The following GALNT1 variants were observed in gnomAD, a reference collection of about 807,000 sequenced individuals.
GALNT1 encodes GalNAc transferase 1.
Under a neutral mutation model 65.7 loss-of-function variants are expected in GALNT1, and 17 were observed. The ratio of observed to expected loss-of-function variants is 0.26; its 90% CI spans 0.18 to 0.39. The LOEUF is 0.39. Ranked by LOEUF, GALNT1 falls within the 10% of genes least tolerant of loss-of-function variation. GALNT1 has a pLI of 1.00. For synonymous variants in GALNT1, 210 were observed against 219.7 expected, an observed-to-expected ratio of 0.96 and a Z score of 0.39; for missense variants, 460 against 672.8, an observed-to-expected ratio of 0.68 and a Z score of 3.50.
At chr18:35,639,128 C>T (rs1449347523) in intron 1 of GALNT1, among the ~76,000 whole-genome samples, 5 of 152,100 alleles carry the variant, frequency 3.3e-5, no homozygotes, top group African/African-American at 7.2e-5. Flanking sequence ...GCTTCAATTT[C>T]GAAAAAAGTT....
chr18:35,659,172 T>G (rs966750743), intron 2 of GALNT1, among the ~76,000 whole-genome samples: 1 of 152,244 alleles, frequency 6.6e-6, no homozygotes, highest in African/African-American at 2.4e-5. Context: ...ACAGCTCTGA[T>G]TTCGGTGAAA....
intron 1 of GALNT1, among the ~76,000 whole-genome samples, chr18:35,647,958 G>A (rs2047252956): frequency 6.6e-6 from 1 of 151,902 alleles, no homozygotes; most frequent in Admixed American, 6.6e-5. Context: ...GTGGTGGGTG[G>A]ATCACTTGAG....
intron 5 of GALNT1, among the ~76,000 whole-genome samples, chr18:35,686,493 T>G (rs925999152): frequency 6.6e-6 from 1 of 152,222 alleles, no homozygotes; most frequent in African/African-American, 2.4e-5. Flanking sequence ...GGTATATTGA[T>G]GCAGGAATTC....
intron 9 of GALNT1, among the ~76,000 whole-genome samples, chr18:35,696,442 G>A (rs766409041): frequency 6.6e-6 from 1 of 152,226 alleles, no homozygotes; most frequent in Non-Finnish European, 1.5e-5. Flanking sequence ...TAACGCTGAC[G>A]TTCGTAGTTC....
intron 2 of GALNT1, among the ~76,000 whole-genome samples, chr18:35,656,879 A>T (rs1001482468): frequency 2.0e-5 from 3 of 152,158 alleles, no homozygotes; most frequent in Non-Finnish European, 4.4e-5. Flanking sequence ...GACACTGGAG[A>T]TGGAGAGGAA....
At chr18:35,651,650 G>A (rs960596485) in intron 1 of GALNT1, among the ~76,000 whole-genome samples, 2 of 152,158 alleles carry the variant, frequency 1.3e-5, no homozygotes, top group African/African-American at 4.8e-5. Context: ...CAAGGACTTG[G>A]TTTTCTTTCT....
At chr18:35,596,949 ATCC>A (rs1445798176) in intron 1 of GALNT1, 1 of 152,230 alleles carries the variant, frequency 6.6e-6, no homozygotes, top group Admixed American at 6.5e-5. Flanking sequence ...AGGCAGTAGA[ATCC>A]ACCTCCGCCT....
At chr18:35,610,380 T>A (rs1050573204) in intron 1 of GALNT1, among the ~76,000 whole-genome samples, 1 of 152,196 alleles carries the variant, frequency 6.6e-6, no homozygotes, top group East Asian at 1.9e-4. Flanking sequence ...CTCCTCTTTT[T>A]GTTTGTTTAT....
intron 2 of GALNT1, among the ~76,000 whole-genome samples, chr18:35,655,332 G>A (rs973578964): frequency 6.7e-6 from 1 of 149,054 alleles, no homozygotes; most frequent in African/African-American, 2.5e-5. Context: ...ATAGAATAGA[G>A]GCTGCAGTGA....
chr18:35,643,543 C>G (rs2047192292), intron 1 of GALNT1, among the ~76,000 whole-genome samples: 1 of 152,168 alleles, frequency 6.6e-6, no homozygotes, highest in South Asian at 2.1e-4. Context: ...GCAGGCAGAT[C>G]ACGAGGTCAG....
chr18:35,694,834 T>C lies in GALNT1; in HGVS notation c.1299+2514T>C, dbSNP rs549918068. Among the ~76,000 whole-genome samples, 16 of 152,314 alleles carry C rather than the reference T, an allele frequency of 1.1e-4. No homozygotes were observed. In the East Asian group the frequency reaches 2.9e-3, roughly 28 times the overall value. ...CAACGTACAATGGAATATTTTTCAG[T>C]CTTAAAAAGGAAGGAAATTCTGATA... On this transcript the variant is annotated intron_variant, in intron 9 of 11. Transcript: ENST00000269195.
intron 4 of GALNT1, among the ~76,000 whole-genome samples, chr18:35,681,855 A>C (rs1226007871): frequency 6.6e-6 from 1 of 152,168 alleles, no homozygotes; most frequent in East Asian, 1.9e-4. Context: ...TCTTGGATCC[A>C]TCCCTTAAGC....
At chr18:35,581,606 C>G (rs1338247454), upstream of GALNT1, 1 of 1,062 alleles carries the variant, frequency 9.4e-4, no homozygotes, top group Non-Finnish European at 1.8e-3. Flanking sequence ...CGGGGCGGCC[C>G]GGAGTAGCGC....
chr18:35,586,556 T>C (rs2046380250), intron 1 of GALNT1, among the ~76,000 whole-genome samples: 2 of 142,040 alleles, frequency 1.4e-5, no homozygotes, highest in African/African-American at 2.8e-5. Flanking sequence ...CCTAATAGTT[T>C]TGTGGTTTTT....
At chr18:35,627,766 G>A (rs1598787788) in intron 1 of GALNT1, among the ~76,000 whole-genome samples, 1 of 151,686 alleles carries the variant, frequency 6.6e-6, no homozygotes, top group African/African-American at 2.4e-5. Flanking sequence ...GAAGCAGGGC[G>A]AGGCATCACC....
At chr18:35,685,941 G>C (rs2047861173) in intron 5 of GALNT1, among the ~76,000 whole-genome samples, 1 of 152,072 alleles carries the variant, frequency 6.6e-6, no homozygotes, top group South Asian at 2.1e-4. Context: ...GGTGGTGCAT[G>C]CCTATAGTCC....
rs1171608587 is a variant in GALNT1, at chr18:35,639,227, T to C, written c.-103-15333T>C. ...AGAGTTGATGTGGCAAACTTCATTTTTGTCTTATTTTAAGAAATTGCGACA... is the reference window on the plus strand; with the variant it reads ...AGAGTTGATGTGGCAAACTTCATTTCTGTCTTATTTTAAGAAATTGCGACA... On this transcript the variant is annotated intron_variant, in intron 1 of 11. Coordinates refer to ENST00000269195, the MANE Select transcript of GALNT1 (RefSeq NM_020474.4). Among the ~76,000 whole-genome samples the C allele has an allele frequency of 2.0e-5, 3 of 152,196 alleles. No individual in the cohort carries two copies. In the East Asian group the frequency reaches 5.8e-4, roughly 29 times the overall value.
chr18:35,648,045 AAGAAGGAAGGGAGGAAGTG>A (rs1378169708), intron 1 of GALNT1, among the ~76,000 whole-genome samples: 35 of 149,020 alleles, frequency 2.3e-4, no homozygotes, highest in Admixed American at 1.2e-3. Context: ...GAAGAAGAAG[AAGAAGGAAGGGAGGAAGTG>A]AGGAAGGGAG....
intron 1 of GALNT1, among the ~76,000 whole-genome samples, chr18:35,646,600 A>G (rs1357543438): frequency 1.3e-5 from 2 of 152,228 alleles, no homozygotes; most frequent in African/African-American, 4.8e-5. Flanking sequence ...GAGTGTGATC[A>G]GAGAGAGTGC....
Sources: allele counts gnomAD v4.1 joint callset (sites outside exome capture counted in the v4.1 genomes callset), GRCh38; gene constraint gnomAD v4.1.1; transcripts MANE v1.5; gene names NCBI Gene and HGNC (gene_info 2026-07-23, HGNC 2026-07-21).